CTNNB1: variants seen among roughly 807,000 people sequenced by gnomAD.
CTNNB1 encodes catenin beta-1.
CTNNB1 carries 6 observed loss-of-function variants against 82.5 expected under a neutral mutation model. The observed-to-expected ratio is 0.07, with a 90% CI of 0.04 to 0.14. The LOEUF is 0.14. Among genes scored for constraint, CTNNB1 ranks in the 10% least tolerant of loss-of-function variants. The pLI is 1.00. For missense variants in CTNNB1, 529 were observed against 980.4 expected, an observed-to-expected ratio of 0.54 and a Z score of 6.15; for synonymous variants, 312 against 329.7, an observed-to-expected ratio of 0.95 and a Z score of 0.58.
chr3:41,207,029 T>G (rs1432293695), intron 1 of CTNNB1, among the ~76,000 whole-genome samples: 1 of 152,236 alleles, frequency 6.6e-6, no homozygotes, highest in Admixed American at 6.5e-5. Flanking sequence ...TATTGTTTAG[T>G]TTTCAAGCCC....
In CTNNB1 at chr3:41,225,266, A is replaced by T. The variant is rs1575316843; in HGVS notation, c.495+59A>T. On this transcript the variant is annotated intron_variant, in intron 4 of 14. Coordinates refer to ENST00000349496, the MANE Select transcript of CTNNB1 (RefSeq NM_001904.4). The surrounding 1 kb of genome is among the most constrained non-coding windows in gnomAD (Gnocchi z 5.3). The stretch of plus-strand genomic sequence containing the variant: ...TTTGAAGTAAATGCTCAAGGGGAGT[A>T]GTTTCAGAATGTCTACCCAATACCA... The T allele has an allele frequency of 6.2e-7, 1 of 1,613,828 alleles. No homozygotes were observed.
In CTNNB1 at chr3:41,227,247, A is replaced by C. The variant is rs1319210904; in HGVS notation, c.976A>C (p.Asn326His). 6.2e-7 allele frequency: 1 copy of C among 1,612,856 alleles called. No individual in the cohort carries two copies. The highest frequency in any genetic ancestry group is 8.5e-7 in the Non-Finnish European group (1 of 1,179,006). The change falls in exon 7 of 15, where the codon AAT (asparagine) becomes CAT (histidine). Residue 326 changes from asparagine (N) to histidine (H), a missense_variant. This residue lies in a region of CTNNB1 where 411 missense variants were observed against 776.4 expected (regional missense o/e 0.53). Transcript: ENST00000349496. ...TAGTGGTGGACCCCAAGCTTTAGTAAATATAATGAGGACCTATACTTACGA... is the reference window on the plus strand; with the variant it reads ...TAGTGGTGGACCCCAAGCTTTAGTACATATAATGAGGACCTATACTTACGA... ...LASGGPQALV[N>H]IMRTYTYEKL...
chr3:41,239,085 T>G (rs760355624), intron 14 of CTNNB1, 49 bp from the exon 15 acceptor site: 1 of 1,479,230 alleles, frequency 6.8e-7, no homozygotes, highest in Admixed American at 1.7e-5. Flanking sequence ...CTCTCCTCTC[T>G]CTTTTGCCTT....
intron 1 of CTNNB1, among the ~76,000 whole-genome samples, chr3:41,202,385 A>G (rs1410155429): frequency 6.6e-6 from 1 of 152,212 alleles, no homozygotes; most frequent in Non-Finnish European, 1.5e-5. Context: ...ACTTCTAACA[A>G]AAGGTATTTG....
At chr3:41,234,465 T>C in intron 10 of CTNNB1, 168 bp downstream of exon 10, 1 of 725,234 alleles carries the variant, frequency 1.4e-6, no homozygotes, top group East Asian at 2.7e-5. Flanking sequence ...GCAGAGAAAA[T>C]AAGGCATAGT....
intron 1 of CTNNB1, among the ~76,000 whole-genome samples, chr3:41,215,962 T>C (rs1467870945): frequency 6.6e-6 from 1 of 152,202 alleles, no homozygotes; most frequent in Non-Finnish European, 1.5e-5. Context: ...TAAAATTGGC[T>C]AACCCCTGTC....
At chr3:41,211,077 G>A (rs1296468693) in intron 1 of CTNNB1, 1 of 456,456 alleles carries the variant, frequency 2.2e-6, no homozygotes, top group Non-Finnish European at 4.4e-6. Context: ...ACAGGTAAGA[G>A]CCACCATGTC....
In CTNNB1 at chr3:41,233,804, TCACTATGGACTA is replaced by T; in HGVS notation, c.1463_1474del (p.His488_Leu491del). The T allele has an allele frequency of 1.2e-6, 2 of 1,613,258 alleles. No individual in the cohort carries two copies. Among genetic ancestry groups the T allele is most frequent in the Non-Finnish European group, 1.7e-6 (2 of 1,179,294 alleles). ...AGATGGCCCAGAATGCAGTTCGCCT[TCACTATGGACTA>T]CCAGTTGTGGTTAAGCTCTTACACC... On this transcript the variant is annotated inframe_deletion, in exon 9 of 15. Coordinates refer to ENST00000349496, the MANE Select transcript of CTNNB1 (RefSeq NM_001904.4).
chr3:41,239,908 CCTTG>C lies in CTNNB1; in HGVS notation c.*571_*574del, dbSNP rs943452981. The C allele has an allele frequency of 1.4e-5, 3 of 210,660 alleles. No homozygotes were observed. The highest frequency in any genetic ancestry group is 4.7e-5 in the African/African-American group (2 of 42,570). 13.0% of individuals were successfully genotyped at this position (210,660 alleles called of 1,614,324 possible). A position where few individuals can be genotyped will look rare whatever the true frequency, so the allele number is the denominator to read the frequency against. On this transcript the variant is annotated 3_prime_UTR_variant, in exon 15 of 15. Transcript: ENST00000349496. ...CAAGATGGAATTTATCAAACCCTAG[CCTTG>C]CTTGTTAAATTTTTTTTTTTTTTTT... is the stretch of plus-strand genomic sequence containing the variant.
rs1447487057 is a variant in CTNNB1, at chr3:41,233,694, G to C, written c.1351G>C (p.Val451Leu). Residue 451 changes from valine to leucine, a missense_variant, in exon 9 of 15, where the codon GTC becomes CTC. Val to Leu is a conservative substitution (Grantham distance 32). Transcript: ENST00000349496. ...TGGTATAGAGGCTCTTGTGCGTACT[G>C]TCCTTCGGGCTGGTGACAGGGAAGA... ...VGGIEALVRT[V>L]LRAGDREDIT... The C allele has an allele frequency of 1.2e-6, 2 of 1,614,052 alleles. No individual in the cohort carries two copies. The highest frequency in any genetic ancestry group is 3.3e-5 in the Admixed American group (2 of 60,006).
At chr3:41,229,371 T>C (rs1017627261) in intron 7 of CTNNB1, among the ~76,000 whole-genome samples, 1 of 152,242 alleles carries the variant, frequency 6.6e-6, no homozygotes, top group East Asian at 1.9e-4. Context: ...GTGTCATCTC[T>C]GATTTCTTTG....
At position 41,239,945 on chromosome 3, in the gene CTNNB1, A is replaced by ATATC. The variant is rs2078536450; in HGVS notation, c.*605_*608dup. The stretch of plus-strand genomic sequence containing the variant: ...AATTTTTTTTTTTTTTTTTTTAAGA[A>ATATC]TATCTGTAATGGTACTGACTTTGCT... On this transcript the variant is annotated 3_prime_UTR_variant, in exon 15 of 15. Transcript: ENST00000349496. 1.1e-5 allele frequency: 2 copies of ATATC among 176,386 alleles called. No homozygotes were observed. The highest frequency in any genetic ancestry group is 6.6e-5 in the Admixed American group (1 of 15,154). The allele number at this position is 176,386 out of a possible 1,614,324, so 10.9% of individuals were successfully genotyped here.
In CTNNB1 at chr3:41,225,187, C is replaced by T. The variant is rs771554085; in HGVS notation, c.475C>T (p.Leu159=). The change falls in exon 4 of 15, where the codon CTG becomes TTG. Residue 159 remains leucine, a synonymous_variant. Coordinates refer to ENST00000349496, the MANE Select transcript of CTNNB1 (RefSeq NM_001904.4). This position sits in a 1 kb window ranked among gnomAD's most constrained non-coding sequence, Gnocchi z 5.3. ...ATRAIPELTK[L]LNDEDQVVVN... Reference sequence around the variant, plus strand: ...ACGTGCAATCCCTGAACTGACAAAACTGCTAAATGACGAGGACCAGGTAAG... The same window carrying T: ...ACGTGCAATCCCTGAACTGACAAAATTGCTAAATGACGAGGACCAGGTAAG... 2 of 1,614,070 alleles carry T rather than the reference C, an allele frequency of 1.2e-6. No homozygotes were observed. Among genetic ancestry groups the T allele is most frequent in the Non-Finnish European group, 1.7e-6 (2 of 1,179,982 alleles).
At chr3:41,210,340 G>T (rs1261977854) in intron 1 of CTNNB1, among the ~76,000 whole-genome samples, 1 of 152,144 alleles carries the variant, frequency 6.6e-6, no homozygotes, top group Non-Finnish European at 1.5e-5. Context: ...TGTAGTCCGA[G>T]CTACTTGGGA....
Position 41,236,015 on chromosome 3 carries a change from G to T in CTNNB1, c.1803+172G>T, listed in dbSNP as rs552463781. 5 of 843,380 alleles carry T rather than the reference G, an allele frequency of 5.9e-6. No individual in the cohort carries two copies. The African/African-American group carries it at 8.5e-5, about 14-fold the overall frequency. The allele number at this position is 843,380 out of a possible 1,614,324, so 52.2% of individuals were successfully genotyped here. A position where few individuals can be genotyped will look rare whatever the true frequency, so the allele number is the denominator to read the frequency against. On this transcript the variant is annotated intron_variant, in intron 11 of 14. Transcript: ENST00000349496. ...AGAAACATTGAGACTTGAGAAGAGG[G>T]AGGAGATTTCACATTTCACTTTTAT...
chr3:41,239,127 C>A lies in CTNNB1; in HGVS notation c.2138-7C>A. The A allele has an allele frequency of 6.2e-7, 1 of 1,613,324 alleles. No individual in the cohort carries two copies. Among genetic ancestry groups the A allele is most frequent in the South Asian group, 1.1e-5 (1 of 91,026 alleles). On this transcript the variant is annotated splice_region_variant and splice_polypyrimidine_tract_variant and intron_variant, in intron 14 of 14. Coordinates refer to ENST00000349496, the MANE Select transcript of CTNNB1 (RefSeq NM_001904.4). ...TGCCTATTTTGTTGACACCCTGACT[C>A]TTCTAGATCCTAGCTATCGTTCTTT...
At chr3:41,223,583 G>A (rs906106811) in intron 1 of CTNNB1, among the ~76,000 whole-genome samples, 4 of 152,138 alleles carry the variant, frequency 2.6e-5, no homozygotes, top group African/African-American at 7.2e-5. Flanking sequence ...TAAAGAAAAT[G>A]TGGAGTTTTT....
chr3:41,202,993 TAA>T (rs2077567604), intron 1 of CTNNB1, among the ~76,000 whole-genome samples: 1 of 151,386 alleles, frequency 6.6e-6, no homozygotes, highest in African/African-American at 2.4e-5. Context: ...TCTTGAAAGA[TAA>T]AGTCAATCAC....
intron 1 of CTNNB1, among the ~76,000 whole-genome samples, chr3:41,215,072 T>G (rs1178196971): frequency 6.6e-6 from 1 of 152,078 alleles, no homozygotes; most frequent in African/African-American, 2.4e-5. Context: ...TGAAGGCATT[T>G]AAGAATCTCT....
Sources: allele counts gnomAD v4.1 joint callset (sites outside exome capture counted in the v4.1 genomes callset), GRCh38; gene constraint gnomAD v4.1.1; regional missense constraint gnomAD v4.1.1; non-coding constraint Gnocchi (gnomAD v3.1); transcripts MANE v1.5; gene names NCBI Gene and HGNC (gene_info 2026-07-23, HGNC 2026-07-21).